The following YAF2 variants were observed in gnomAD, a reference collection of about 807,000 sequenced individuals.
The protein encoded by YAF2 is YY1 associated factor 2, also known as YY1-associated factor 2.
Under a neutral mutation model 20.1 loss-of-function variants are expected in YAF2, and 7 were observed. That is an observed-to-expected ratio of 0.35 (90% CI 0.20 to 0.65). The LOEUF (loss-of-function observed/expected upper bound fraction) is 0.65. Among genes scored for constraint, YAF2 ranks in the 30% least tolerant of loss-of-function variants. YAF2 has a pLI of 0.69. For synonymous variants in YAF2, 74 were observed against 76.0 expected, an observed-to-expected ratio of 0.97 and a Z score of 0.14; for missense variants, 151 against 219.2, an observed-to-expected ratio of 0.69 and a Z score of 1.96.
At chr12:42,234,191 AG>A (rs57106203) in intron 2 of YAF2, 49,383 of 732,406 alleles carry the variant, frequency 0.067, 649 homozygotes, top group African/African-American at 0.12. Context: ...AAAAAAAAAA[AG>A]AGAAAAGAAA....
At chr12:42,187,437 G>C (rs1392626794) in intron 2 of YAF2, among the ~76,000 whole-genome samples, 1 of 151,962 alleles carries the variant, frequency 6.6e-6, no homozygotes, top group African/African-American at 2.4e-5. Context: ...TGGGATTACA[G>C]CCCACCTTGT....
At chr12:42,179,789 C>CAAAAAAAAAAAAA (rs71084622) in intron 2 of YAF2, among the ~76,000 whole-genome samples, 8 of 85,132 alleles carry the variant, frequency 9.4e-5, no homozygotes, top group African/African-American at 1.7e-4. Flanking sequence ...GTCTAAAAGG[C>CAAAAAAAAAAAAA]AAAAAAAAAA....
chr12:42,164,601 A>T (rs969432893), intron 2 of YAF2, among the ~76,000 whole-genome samples: 4 of 152,334 alleles, frequency 2.6e-5, no homozygotes, highest in African/African-American at 9.6e-5. Flanking sequence ...AGCATAACTC[A>T]AATTTCAAAA....
intron 2 of YAF2, among the ~76,000 whole-genome samples, chr12:42,219,179 C>A (rs2067444904): frequency 6.6e-6 from 1 of 152,230 alleles, no homozygotes. Context: ...GCCCCACTTG[C>A]TTGCTCCCAC....
intron 2 of YAF2, chr12:42,234,812 C>G (rs750208687): frequency 1.3e-6 from 1 of 767,880 alleles, no homozygotes; most frequent in South Asian, 5.9e-5. Context: ...ACATAGAGAT[C>G]CCCCATCTCT....
intron 2 of YAF2, among the ~76,000 whole-genome samples, chr12:42,228,056 C>G (rs1251869870): frequency 1.8e-5 from 2 of 112,782 alleles, no homozygotes; most frequent in East Asian, 5.9e-4. Flanking sequence ...GCCGCCCCGT[C>G]TGGGAGGTGA....
intron 2 of YAF2, among the ~76,000 whole-genome samples, chr12:42,218,361 T>C (rs920893164): frequency 6.6e-6 from 1 of 152,142 alleles, no homozygotes; most frequent in Admixed American, 6.6e-5. Flanking sequence ...CTGATGAATA[T>C]GGTTTGTCTG....
At chr12:42,165,662 G>A (rs990297109) in intron 2 of YAF2, among the ~76,000 whole-genome samples, 2 of 150,692 alleles carry the variant, frequency 1.3e-5, no homozygotes, top group Non-Finnish European at 3.0e-5. Context: ...TAATAGAGAC[G>A]GGGTTTCACT....
At chr12:42,180,901 T>C (rs1456872528) in intron 2 of YAF2, among the ~76,000 whole-genome samples, 6 of 152,260 alleles carry the variant, frequency 3.9e-5, no homozygotes, top group South Asian at 2.1e-4. Flanking sequence ...TAAGCTGAGA[T>C]TGTGCCACTG....
intron 2 of YAF2, among the ~76,000 whole-genome samples, chr12:42,209,415 T>C (rs1414255069): frequency 6.6e-6 from 1 of 151,564 alleles, no homozygotes; most frequent in Non-Finnish European, 1.5e-5. Flanking sequence ...AATAAAAAAA[T>C]TAGTCAAGCA....
At chr12:42,190,042 G>A (rs1007939833) in intron 2 of YAF2, among the ~76,000 whole-genome samples, 30 of 152,244 alleles carry the variant, frequency 2.0e-4, no homozygotes, top group Admixed American at 6.5e-4. Context: ...TACTTTTGTC[G>A]TTTTATTAAG....
chr12:42,190,218 C>T (rs907860339), intron 2 of YAF2, among the ~76,000 whole-genome samples: 2 of 152,050 alleles, frequency 1.3e-5, no homozygotes, highest in African/African-American at 4.8e-5. Context: ...GTGGCATGAG[C>T]CTGTAGTCCT....
At chr12:42,201,526 T>C (rs2066898345) in intron 2 of YAF2, among the ~76,000 whole-genome samples, 1 of 152,212 alleles carries the variant, frequency 6.6e-6, no homozygotes, top group African/African-American at 2.4e-5. Flanking sequence ...AAAGACATTG[T>C]GTGTGTCTCC....
chr12:42,238,023 C>T, intron 1 of YAF2, 132 bp downstream of exon 1: 1 of 724,720 alleles, frequency 1.4e-6, no homozygotes, highest in Non-Finnish European at 1.9e-6. Flanking sequence ...CAAGCGGCAG[C>T]ACTCGCACAC....
chr12:42,196,467 T>C (rs1208746588), intron 2 of YAF2, among the ~76,000 whole-genome samples: 1 of 152,156 alleles, frequency 6.6e-6, no homozygotes, highest in Non-Finnish European at 1.5e-5. Flanking sequence ...TTAAAGAAGA[T>C]GTCCCTTTGG....
intron 2 of YAF2, among the ~76,000 whole-genome samples, chr12:42,227,882 C>A (rs1243675750): frequency 8.6e-6 from 1 of 116,710 alleles, no homozygotes; most frequent in East Asian, 2.9e-4. Flanking sequence ...CCGCCCCGTC[C>A]GGGAGGTGAG....
At chr12:42,161,114 T>C in intron 3 of YAF2, 1 of 368,116 alleles carries the variant, frequency 2.7e-6, no homozygotes, top group Non-Finnish European at 4.9e-6. Context: ...ATTAATTTTA[T>C]TAAAATAGAT....
chr12:42,168,370 C>T (rs561046896), intron 2 of YAF2, among the ~76,000 whole-genome samples: 167 of 151,756 alleles, frequency 1.1e-3, no homozygotes, highest in South Asian at 3.3e-3. Context: ...TTAGTAGAAA[C>T]GGGGTTTCAC....
chr12:42,174,054 A>G (rs945856135), intron 2 of YAF2, among the ~76,000 whole-genome samples: 2 of 150,636 alleles, frequency 1.3e-5, no homozygotes, highest in Non-Finnish European at 3.0e-5. Context: ...CTACTGGGTT[A>G]TTCCTGTCAG....
Sources: gnomAD v4.1 joint callset for allele counts (sites outside exome capture counted in the v4.1 genomes callset) on GRCh38, gnomAD v4.1.1 for gene constraint, MANE v1.5 for transcripts, NCBI Gene and HGNC (gene_info 2026-07-23, HGNC 2026-07-21) for gene names.